The following CD6 variants were observed in gnomAD, a reference collection of about 807,000 sequenced individuals.
The protein encoded by CD6 is T-cell differentiation antigen CD6.
Under a neutral mutation model 75.3 loss-of-function variants are expected in CD6, and 53 were observed. That is an observed-to-expected ratio of 0.70 (90% CI 0.56 to 0.88). The LOEUF is 0.88. CD6 is among the 40% of genes least tolerant of loss of function. The probability of loss-of-function intolerance (pLI) is 0.00; values close to 1 mark genes in which losing one functional copy is unlikely to be tolerated. For missense variants in CD6, 770 were observed against 897.1 expected (o/e 0.86, Z 1.81); for synonymous variants, 359 against 381.5 (o/e 0.94, Z 0.69).
intron 1 of CD6, among the ~76,000 whole-genome samples, chr11:60,973,237 G>C (rs189785885): frequency 1.3e-4 from 20 of 152,320 alleles, no homozygotes; most frequent in Non-Finnish European, 2.5e-4. Context: ...TCCGAGCCTT[G>C]GCAGCTGGCC....
intron 1 of CD6, among the ~76,000 whole-genome samples, chr11:60,994,457 C>CAAAAAAAAAAAAAAAAAAA (rs61349237): frequency 5.7e-5 from 3 of 52,960 alleles, no homozygotes; most frequent in East Asian, 6.6e-4. Context: ...ACACCCCCGC[C>CAAAAAAAAAAAAAAAAAAA]AAAAAAAAAA....
intron 3 of CD6, chr11:61,008,237 C>T (rs1204965929): frequency 1.9e-5 from 9 of 465,676 alleles, no homozygotes; most frequent in Non-Finnish European, 2.6e-5. Flanking sequence ...GTCTCTCCTC[C>T]CCTTTCGCCA....
chr11:60,972,803 G>T (rs866442980), intron 1 of CD6, among the ~76,000 whole-genome samples: 1 of 152,128 alleles, frequency 6.6e-6, no homozygotes, highest in African/African-American at 2.4e-5. Flanking sequence ...AGGGGGCATC[G>T]AGCTGGTTTG....
rs538627375 is a variant in CD6 at position 61,015,786 on chromosome 11, G to A, written c.1461G>A (p.Glu487=). The A allele has an allele frequency of 6.2e-7, 1 of 1,614,184 alleles. No individual in the cohort carries two copies. The highest frequency in any genetic ancestry group is 2.2e-5 in the East Asian group (1 of 44,878). ...DSDSGSDSDY[E]HYDFSAQPPV... is the part of the protein sequence containing the mutation. ...ACTCTGGCTCGGACTCAGACTATGA[G>A]CACTATGACTTCAGCGCCCAGCCTC... The change falls in exon 9 of 13, where the codon GAG becomes GAA. Residue 487 remains glutamate (E), a synonymous_variant. Transcript: ENST00000313421.
chr11:60,979,460 T>G (rs71488496), intron 1 of CD6, among the ~76,000 whole-genome samples: 2 of 149,796 alleles, frequency 1.3e-5, no homozygotes, highest in African/African-American at 5.0e-5. Context: ...TTTTGTTTTG[T>G]TTTCTTTTTT....
chr11:60,989,906 C>T (rs1857993608), intron 1 of CD6, among the ~76,000 whole-genome samples: 1 of 152,194 alleles, frequency 6.6e-6, no homozygotes, highest in Admixed American at 6.5e-5. Flanking sequence ...AAACCCATGG[C>T]TTTCTTACCC....
intron 1 of CD6, among the ~76,000 whole-genome samples, chr11:60,986,853 C>G (rs1428065913): frequency 6.6e-6 from 1 of 152,112 alleles, no homozygotes; most frequent in Non-Finnish European, 1.5e-5. Flanking sequence ...CTCTCCCTGG[C>G]GCCGTGGCGC....
At chr11:61,015,563 C>G (rs939438831) in intron 8 of CD6, 150 bp from the exon 9 acceptor site, 1 of 876,506 alleles carries the variant, frequency 1.1e-6, no homozygotes, top group African/African-American at 1.7e-5. Flanking sequence ...AGAGTGAGAC[C>G]CTGTCCCAGA....
chr11:60,973,827 CA>C (rs758594768), intron 1 of CD6, among the ~76,000 whole-genome samples: 1 of 152,148 alleles, frequency 6.6e-6, no homozygotes, highest in Non-Finnish European at 1.5e-5. Flanking sequence ...TGAGGGTTGC[CA>C]GGGGTGTATG....
In CD6 at chr11:61,007,321, C is replaced by CTTAAA. The variant is rs1280517285; in HGVS notation, c.119-235_119-234insATTAA. The stretch of plus-strand genomic sequence containing the variant: ...GGACCCCTAGTTGTCTGTCACCCAT[C>CTTAAA]TTAACCTCTAGAGTCACTCCCAAGC... On this transcript the variant is annotated intron_variant, in intron 2 of 12. Transcript: ENST00000313421. The surrounding 1 kb of genome is among the most constrained non-coding windows in gnomAD (Gnocchi z 4.2). 6.6e-6 allele frequency among the ~76,000 whole-genome samples: 1 copy of CTTAAA among 152,178 alleles called. No individual in the cohort carries two copies. Among genetic ancestry groups the CTTAAA allele is most frequent in the Admixed American group, 6.5e-5 (1 of 15,286 alleles).
chr11:60,981,947 T>A (rs921545396), intron 1 of CD6, among the ~76,000 whole-genome samples: 97 of 151,688 alleles, frequency 6.4e-4, no homozygotes, highest in African/African-American at 2.3e-3. Context: ...CTCCACCGTG[T>A]GCTAGGGGGT....
At chr11:60,985,791 C>T (rs1857790022) in intron 1 of CD6, among the ~76,000 whole-genome samples, 2 of 152,138 alleles carry the variant, frequency 1.3e-5, no homozygotes, top group Non-Finnish European at 2.9e-5. Context: ...GTCCCCATCT[C>T]TGCAAAAATA....
chr11:61,019,286 AACGATGACT>A lies in CD6; in HGVS notation c.1984_1992del (p.Tyr662_Asp664del), dbSNP rs1213242700. ...CAGCCCTCAGCCTGACTCCACCGAC[AACGATGACT>A]ACGATGACATCAGCGCAGCCTAGGC... On this transcript the variant is annotated inframe_deletion, in exon 13 of 13. Coordinates refer to ENST00000313421, the MANE Select transcript of CD6 (RefSeq NM_006725.5). 1 of 1,610,658 alleles carries A rather than the reference AACGATGACT, an allele frequency of 6.2e-7. No homozygotes were observed. Among genetic ancestry groups the A allele is most frequent in the Non-Finnish European group, 8.5e-7 (1 of 1,179,820 alleles).
rs1859611595 is a variant in CD6 at position 61,020,304 on chromosome 11, G to A, written c.*986G>A. On this transcript the variant is annotated 3_prime_UTR_variant, in exon 13 of 13. Transcript: ENST00000313421. Reference sequence around the variant, plus strand: ...CGTCTCCGTGCAGCCCCCAGAGAGAGGCCCATGGGCTCAGACCAGGCTTTG... The same window carrying A: ...CGTCTCCGTGCAGCCCCCAGAGAGAAGCCCATGGGCTCAGACCAGGCTTTG... 7 of 398,894 alleles carry A rather than the reference G, an allele frequency of 1.8e-5. No homozygotes were observed. Among genetic ancestry groups the A allele is most frequent in the Middle Eastern group, 6.2e-4 (1 of 1,610 alleles). The allele number at this position is 398,894 out of a possible 1,614,324, so 24.7% of individuals were successfully genotyped here. A position where few individuals can be genotyped will look rare whatever the true frequency, so the allele number is the denominator to read the frequency against.
rs574591390 is a variant in CD6, at chr11:60,971,839, G to A, written c.-27G>A. The A allele has an allele frequency of 2.8e-5, 45 of 1,612,250 alleles. No individual in the cohort carries two copies. In the South Asian group the frequency reaches 4.1e-4, roughly 15 times the overall value. On this transcript the variant is annotated 5_prime_UTR_variant, in exon 1 of 13. Transcript: ENST00000313421. ...GATGGTGCTTCCCACAGGCAGCCAC[G>A]CGTAGCAGCCAGAGACAGCTCCAGA...
rs573134891 is a variant in CD6, at chr11:61,019,321, CG to C, written c.*7del. The C allele has an allele frequency of 2.2e-4, 350 of 1,605,704 alleles. 4 individuals carry two copies. The South Asian group carries it at 3.8e-3, about 17-fold the overall frequency. ...ACGATGACATCAGCGCAGCCTAGGCCGGGGCCAGCCGAGGCTCCTGGGGTGG... is the reference window on the plus strand; with the variant it reads ...ACGATGACATCAGCGCAGCCTAGGCCGGGCCAGCCGAGGCTCCTGGGGTGG... On this transcript the variant is annotated 3_prime_UTR_variant, in exon 13 of 13. Coordinates refer to ENST00000313421, the MANE Select transcript of CD6 (RefSeq NM_006725.5).
chr11:61,014,856 G>A (rs749627272), intron 8 of CD6, among the ~76,000 whole-genome samples: 5 of 151,976 alleles, frequency 3.3e-5, no homozygotes, highest in East Asian at 1.9e-4. Context: ...CACCTTTATC[G>A]GAAAGAGTTC....
intron 6 of CD6, among the ~76,000 whole-genome samples, chr11:61,011,499 G>A (rs1859152837): frequency 6.6e-6 from 1 of 152,168 alleles, no homozygotes; most frequent in Non-Finnish European, 1.5e-5. Context: ...GGCCCAGCTG[G>A]GTAGCGGGAA....
At chr11:60,980,970 T>C (rs1184918200) in intron 1 of CD6, among the ~76,000 whole-genome samples, 7 of 152,146 alleles carry the variant, frequency 4.6e-5, no homozygotes, top group African/African-American at 1.7e-4. Flanking sequence ...TGTTGGGTCA[T>C]GTTGGGTAGG....
Sources: allele counts gnomAD v4.1 joint callset (sites outside exome capture counted in the v4.1 genomes callset), GRCh38; gene constraint gnomAD v4.1.1; non-coding constraint Gnocchi (gnomAD v3.1); transcripts MANE v1.5; gene names NCBI Gene and HGNC (gene_info 2026-07-23, HGNC 2026-07-21).